NCKAP5: variants seen among roughly 807,000 people sequenced by gnomAD.
The protein encoded by NCKAP5 is NCK associated protein 5.
NCKAP5 carries 92 observed loss-of-function variants against 167.0 expected under a neutral mutation model. That is an observed-to-expected ratio of 0.55 (90% CI 0.47 to 0.66). The LOEUF is 0.66. NCKAP5 is among the 30% of genes least tolerant of loss of function. The pLI is 0.00. For synonymous variants in NCKAP5, 891 were observed against 877.4 expected, an observed-to-expected ratio of 1.02 and a Z score of -0.27; for missense variants, 2,378 against 2,315.0, an observed-to-expected ratio of 1.03 and a Z score of -0.56.
intron 3 of NCKAP5, among the ~76,000 whole-genome samples, chr2:133,515,809 C>CT (rs1420629891): frequency 6.6e-6 from 1 of 152,262 alleles, no homozygotes; most frequent in African/African-American, 2.4e-5. Context: ...CCTGCCCTGT[C>CT]TTGTCCTGCC....
At chr2:133,666,260 C>T in the NCKAP5 span, among the ~76,000 whole-genome samples, 5 of 145,994 alleles carry the variant, frequency 3.4e-5, no homozygotes, top group Non-Finnish European at 5.9e-5. Flanking sequence ...TGCAGTGGCG[C>T]GATCTCGGCT....
chr2:133,131,707 A>G (rs370868665), intron 5 of NCKAP5, among the ~76,000 whole-genome samples: 2 of 152,214 alleles, frequency 1.3e-5, no homozygotes, highest in African/African-American at 4.8e-5. Flanking sequence ...ACTTTGGAAA[A>G]TGACATTCTG....
rs1432593496 is a variant in NCKAP5, at chr2:132,784,136, G to A, written c.2675C>T (p.Thr892Ile). 3 of 1,524,916 alleles carry A rather than the reference G, an allele frequency of 2.0e-6. No individual in the cohort carries two copies. Among genetic ancestry groups the A allele is most frequent in the Non-Finnish European group, 2.6e-6 (3 of 1,139,082 alleles). 94.5% of individuals were successfully genotyped at this position (1,524,916 alleles called of 1,614,324 possible). The change falls in exon 14 of 20, where the codon ACT becomes ATT. Residue 892 changes from threonine (T) to isoleucine (I), a missense_variant. Coordinates refer to ENST00000409261, the MANE Select transcript of NCKAP5 (RefSeq NM_207363.3). ...GGCAGGCCTTGACCGTGACCCTGGA[G>A]TCTGACTCTTGGGGCACTGGACCCA... ...RDWVQCPKSQ[T>I]PGSRSRPAIE...
Position 132,731,941 on chromosome 2 carries a change from C to G in NCKAP5, c.5239G>C (p.Asp1747His). Residue 1747 changes from aspartate to histidine, a missense_variant, in exon 17 of 20, where the codon GAC (aspartate) becomes CAC (histidine). Asp to His is a moderately conservative substitution (Grantham distance 81). Transcript: ENST00000409261. ...RYLCQPDSPE[D>H]AEPLLPLQSA... is the part of the protein sequence containing the mutation. ...TGGAGAGGCAGGAGAGGCTCAGCGT[C>G]CTCTGGGGAGTCTGGCTGGCATAGG... is the stretch of plus-strand genomic sequence containing the variant. The G allele has an allele frequency of 6.2e-7, 1 of 1,613,914 alleles. No individual in the cohort carries two copies. Among genetic ancestry groups the G allele is most frequent in the South Asian group, 1.1e-5 (1 of 91,078 alleles).
intron 4 of NCKAP5, among the ~76,000 whole-genome samples, chr2:133,242,249 C>CTTTTT (rs764246319): frequency 1.4e-5 from 2 of 140,218 alleles, no homozygotes; most frequent in Non-Finnish European, 1.5e-5. Flanking sequence ...TTTTTCTTTT[C>CTTTTT]TTTTCTTTTC....
chr2:133,246,277 T>C (rs2087986529), intron 4 of NCKAP5, among the ~76,000 whole-genome samples: 1 of 151,842 alleles, frequency 6.6e-6, no homozygotes, highest in South Asian at 2.1e-4. Flanking sequence ...AAAATCACTG[T>C]CTATCCTCAA....
chr2:132,834,535 C>T (rs907375978), intron 11 of NCKAP5, among the ~76,000 whole-genome samples: 6 of 152,048 alleles, frequency 3.9e-5, no homozygotes, highest in Middle Eastern at 3.2e-3. Flanking sequence ...TTAGTAGAGA[C>T]GGGGTTTCAC....
chr2:133,102,522 A>C (rs2081548789), intron 6 of NCKAP5, among the ~76,000 whole-genome samples: 2 of 152,172 alleles, frequency 1.3e-5, no homozygotes, highest in Admixed American at 1.3e-4. Context: ...AAAGGGAAGA[A>C]AAAAACCGTT....
At chr2:132,713,757 TAGA>T (rs142063721) in intron 19 of NCKAP5, among the ~76,000 whole-genome samples, 2,172 of 149,724 alleles carry the variant, frequency 0.015, 54 homozygotes, top group African/African-American at 0.05. Context: ...AAGTTGAGAG[TAGA>T]AGAAGAAACA....
At chr2:132,900,977 G>GAAAAAAAAAAAAAAAAAAAAAAAAAAAA (rs58885401) in intron 8 of NCKAP5, among the ~76,000 whole-genome samples, 1 of 98,670 alleles carries the variant, frequency 1.0e-5, no homozygotes, top group African/African-American at 3.7e-5. Flanking sequence ...AAAAAAAAAA[G>GAAAAAAAAAAAAAAAAAAAAAAAAAAAA]AAAAAAAAAA....
At chr2:133,115,524 T>C (rs1401169701) in intron 6 of NCKAP5, among the ~76,000 whole-genome samples, 5 of 151,968 alleles carry the variant, frequency 3.3e-5, no homozygotes, top group Non-Finnish European at 7.4e-5. Flanking sequence ...AGATGTTATG[T>C]TACAATTTTA....
At position 132,994,153 on chromosome 2, in the gene NCKAP5, T is replaced by C; in HGVS notation, c.428A>G (p.Gln143Arg). ...KEETVNIMVYQEKLSEEERKH... is the reference protein window; with the variant it reads ...KEETVNIMVYREKLSEEERKH... ...CCAAGAATAATAAACATGGTGTACCTGATAGACCATTATATTAACAGTTTC... is the reference window on the plus strand; with the variant it reads ...CCAAGAATAATAAACATGGTGTACCCGATAGACCATTATATTAACAGTTTC... The change falls in exon 7 of 20, where the codon CAG becomes CGG. Residue 143 changes from glutamine (Q) to arginine (R), a missense_variant and splice_region_variant. This residue lies in a region of NCKAP5 where 1,049 missense variants were observed against 1,023.4 expected (regional missense o/e 1.02). Transcript: ENST00000409261. The C allele has an allele frequency of 6.4e-7, 1 of 1,563,446 alleles. No individual in the cohort carries two copies.
chr2:133,238,968 G>C (rs2087551425), intron 4 of NCKAP5, among the ~76,000 whole-genome samples: 1 of 152,114 alleles, frequency 6.6e-6, no homozygotes, highest in South Asian at 2.1e-4. Flanking sequence ...CAGGTTAATA[G>C]TGAACCCCAA....
intron 3 of NCKAP5, among the ~76,000 whole-genome samples, chr2:133,426,632 C>G (rs1176904451): frequency 6.6e-6 from 1 of 152,044 alleles, no homozygotes; most frequent in South Asian, 2.1e-4. Context: ...AAGATTATAC[C>G]TTGTGACCAA....
At chr2:133,055,472 G>GTA (rs5834343) in intron 6 of NCKAP5, among the ~76,000 whole-genome samples, 1 of 148,006 alleles carries the variant, frequency 6.8e-6, no homozygotes, top group Non-Finnish European at 1.5e-5. Flanking sequence ...TAGATAAACT[G>GTA]TATATATATA....
intron 2 of NCKAP5, among the ~76,000 whole-genome samples, chr2:133,525,368 C>T (rs552813693): frequency 1.3e-5 from 2 of 152,294 alleles, no homozygotes; most frequent in South Asian, 4.1e-4. Flanking sequence ...GGTTTCAATG[C>T]CAGACAGGCC....
At chr2:133,119,700 A>G (rs957704260) in intron 6 of NCKAP5, among the ~76,000 whole-genome samples, 6 of 152,118 alleles carry the variant, frequency 3.9e-5, no homozygotes, top group African/African-American at 1.4e-4. Flanking sequence ...ACTTTCTATT[A>G]CAGATTATAA....
intron 3 of NCKAP5, among the ~76,000 whole-genome samples, chr2:133,442,654 A>G (rs552347502): frequency 3.6e-4 from 55 of 152,326 alleles, no homozygotes; most frequent in Middle Eastern, 3.4e-3. Flanking sequence ...ACCTTTAGCC[A>G]TTAGTTCCCC....
At chr2:133,402,510 T>G (rs776182865) in intron 3 of NCKAP5, among the ~76,000 whole-genome samples, 2 of 152,150 alleles carry the variant, frequency 1.3e-5, no homozygotes, top group Non-Finnish European at 2.9e-5. Flanking sequence ...TTCTGTTCCC[T>G]CCAAACCTCA....
Sources: gnomAD v4.1 joint callset for allele counts (sites outside exome capture counted in the v4.1 genomes callset) on GRCh38, gnomAD v4.1.1 for gene constraint, gnomAD v4.1.1 regional missense constraint, MANE v1.5 for transcripts, NCBI Gene and HGNC (gene_info 2026-07-23, HGNC 2026-07-21) for gene names.